The following POC1B variants were observed in gnomAD, a reference collection of about 807,000 sequenced individuals.
POC1B encodes the protein POC1 centriolar protein homolog B.
Under a neutral mutation model 60.6 loss-of-function variants are expected in POC1B, and 44 were observed. The ratio of observed to expected loss-of-function variants is 0.73; its 90% CI spans 0.57 to 0.93. The LOEUF (loss-of-function observed/expected upper bound fraction) is 0.93, where lower values mean the gene tolerates loss of function less well. Among genes scored for constraint, POC1B ranks in the 40% least tolerant of loss-of-function variants. The pLI is 0.00. For synonymous variants in POC1B, 180 were observed against 198.9 expected (o/e 0.90, Z 0.80); for missense variants, 555 against 572.3 (o/e 0.97, Z 0.31).
rs770482813 is a variant in POC1B at position 89,524,170 on chromosome 12, T to C, written c.100+950A>G. On this transcript the variant is annotated intron_variant, in intron 2 of 11. Transcript: ENST00000313546. ...AGGAAGTGTCCTATAGTTGAACTTC[T>C]GGGACTTACACTCATACATTCTTTT... 30 of 1,613,916 alleles carry C rather than the reference T, an allele frequency of 1.9e-5. No individual in the cohort carries two copies. In the South Asian group the frequency reaches 2.7e-4, roughly 15 times the overall value.
rs1485211003 is a variant in POC1B at position 89,476,759 on chromosome 12, T to TAGATAGATAGATAGATAGATAGATAGAC, written c.453-4485_453-4484insGTCTATCTATCTATCTATCTATCTATCT. Among the ~76,000 whole-genome samples the TAGATAGATAGATAGATAGATAGATAGAC allele has an allele frequency of 5.3e-4, 31 of 58,640 alleles. No individual in the cohort carries two copies. In the East Asian group the frequency reaches 5.5e-3, roughly 10 times the overall value. The allele number at this position is 58,640 out of a possible 152,430, so 38.5% of individuals were successfully genotyped here. On this transcript the variant is annotated intron_variant, in intron 4 of 11. Transcript: ENST00000313546. ...ATAGATAGATAGATAGATAGATAGA[T>TAGATAGATAGATAGATAGATAGATAGAC]AGACAGACAGACAGACAGACACTTT... is the stretch of plus-strand genomic sequence containing the variant.
At chr12:89,468,832 A>G (rs1473211049) in intron 7 of POC1B, among the ~76,000 whole-genome samples, 1 of 152,184 alleles carries the variant, frequency 6.6e-6, no homozygotes, top group African/African-American at 2.4e-5. Context: ...CTAGACCACA[A>G]GGCTCATTCT....
At chr12:89,502,237 T>A (rs1869609718) in intron 2 of POC1B, 3 of 1,294,986 alleles carry the variant, frequency 2.3e-6, no homozygotes, top group African/African-American at 1.5e-5. Context: ...TCCTGGAAGT[T>A]CAGATGACTC....
rs534075299 is a variant in POC1B at position 89,471,892 on chromosome 12, C to T, written c.561-163G>A. On this transcript the variant is annotated intron_variant, in intron 5 of 11. Transcript: ENST00000313546. Reference sequence around the variant, plus strand: ...AAGTGATTCTTCCACCTCAGCCTCCCGAGTAGCTGGAATTACAGGCACATA... The same window carrying T: ...AAGTGATTCTTCCACCTCAGCCTCCTGAGTAGCTGGAATTACAGGCACATA... Among the ~76,000 whole-genome samples the T allele has an allele frequency of 1.9e-3, 294 of 151,930 alleles. 2 individuals carry two copies. The highest frequency in any genetic ancestry group is 6.9e-3 in the African/African-American group (285 of 41,438).
rs114095983 is a variant in POC1B at position 89,434,266 on chromosome 12, T to C, written c.1114-8887A>G. On this transcript the variant is annotated intron_variant, in intron 10 of 11. Coordinates refer to ENST00000313546, the MANE Select transcript of POC1B (RefSeq NM_172240.3). The stretch of plus-strand genomic sequence containing the variant: ...TTTGCTTTTTCTTCTTGAGAGCAAA[T>C]TGGAAATTGCATTTTTATCAGAAGA... 8.4e-3 allele frequency among the ~76,000 whole-genome samples: 1,285 copies of C among 152,284 alleles called. 24 individuals are homozygous for C. The highest frequency in any genetic ancestry group is 0.029 in the African/African-American group (1,209 of 41,548).
Position 89,497,266 on chromosome 12 carries a change from G to A in POC1B, c.177C>T (p.His59=). Reference sequence around the variant, plus strand: ...ACTGCACGCTGGTTACAACATCCTTGTGACCCACATATCTGTAAGCTCTAG... The same window carrying A: ...ACTGCACGCTGGTTACAACATCCTTATGACCCACATATCTGTAAGCTCTAG... ...PHARAYRYVG[H]KDVVTSVQFS... is the part of the protein sequence containing the mutation. Residue 59 remains histidine, a synonymous_variant, in exon 3 of 12, where the codon CAC becomes CAT. Transcript: ENST00000313546. 1.9e-6 allele frequency: 3 copies of A among 1,613,506 alleles called. No individual in the cohort carries two copies. Among genetic ancestry groups the A allele is most frequent in the Non-Finnish European group, 2.5e-6 (3 of 1,179,988 alleles).
intron 4 of POC1B, among the ~76,000 whole-genome samples, chr12:89,475,537 A>G (rs573153174): frequency 2.6e-4 from 40 of 152,270 alleles, no homozygotes; most frequent in Non-Finnish European, 2.1e-4. Context: ...TTTTATTTTT[A>G]ATTAGATACA....
chr12:89,517,873 G>T (rs1870528508), intron 2 of POC1B, among the ~76,000 whole-genome samples: 1 of 152,124 alleles, frequency 6.6e-6, no homozygotes, highest in Non-Finnish European at 1.5e-5. Flanking sequence ...AAATAAGGGA[G>T]TAGTAAATAA....
At chr12:89,457,390 A>G (rs1446792942) in intron 10 of POC1B, among the ~76,000 whole-genome samples, 1 of 152,240 alleles carries the variant, frequency 6.6e-6, no homozygotes, top group Non-Finnish European at 1.5e-5. Context: ...AAAGAGATAC[A>G]CATTGAAAAT....
At chr12:89,493,109 T>TCA in intron 3 of POC1B, among the ~76,000 whole-genome samples, 1 of 152,264 alleles carries the variant, frequency 6.6e-6, no homozygotes, top group African/African-American at 2.4e-5. Context: ...CTCGGAACAG[T>TCA]CACAGCCCTT....
Position 89,467,781 on chromosome 12 carries a change from C to A in POC1B, c.811-96G>T, listed in dbSNP as rs1391709901. On this transcript the variant is annotated intron_variant, in intron 7 of 11. Coordinates refer to ENST00000313546, the MANE Select transcript of POC1B (RefSeq NM_172240.3). Reference sequence around the variant, plus strand: ...TATCAATTTCTCATCCTAATTTATGCATACTACTCATGCAATAAGTCTAAT... The same window carrying A: ...TATCAATTTCTCATCCTAATTTATGAATACTACTCATGCAATAAGTCTAAT... 15 of 848,644 alleles carry A rather than the reference C, an allele frequency of 1.8e-5. No individual in the cohort carries two copies. The East Asian group carries it at 4.0e-4, about 23-fold the overall frequency. 52.6% of individuals were successfully genotyped at this position (848,644 alleles called of 1,614,324 possible). A position where few individuals can be genotyped will look rare whatever the true frequency, so the allele number is the denominator to read the frequency against.
intron 10 of POC1B, among the ~76,000 whole-genome samples, chr12:89,441,642 G>C (rs944721744): frequency 1.3e-5 from 2 of 152,212 alleles, no homozygotes; most frequent in Non-Finnish European, 2.9e-5. Context: ...ACCAAAGGTA[G>C]ATAAAACCAC....
intron 2 of POC1B, chr12:89,520,109 A>G (rs1398882516): frequency 2.0e-5 from 3 of 152,122 alleles, no homozygotes; most frequent in Admixed American, 1.3e-4. Flanking sequence ...CTTTTCTGTT[A>G]TGTACTCTAT....
intron 10 of POC1B, among the ~76,000 whole-genome samples, chr12:89,439,868 G>C (rs1881436717): frequency 6.6e-6 from 1 of 152,210 alleles, no homozygotes; most frequent in Non-Finnish European, 1.5e-5. Flanking sequence ...GCCTCGCAAA[G>C]TGCTGGGATT....
chr12:89,401,815 T>C, the POC1B span, among the ~76,000 whole-genome samples: 1 of 152,274 alleles, frequency 6.6e-6, no homozygotes, highest in Non-Finnish European at 1.5e-5. Context: ...CAAGTATTTG[T>C]AAGCAACTTT....
intron 2 of POC1B, among the ~76,000 whole-genome samples, chr12:89,508,304 A>G (rs770578160): frequency 3.3e-5 from 5 of 152,098 alleles, no homozygotes; most frequent in Non-Finnish European, 5.9e-5. Flanking sequence ...GTAAATTTTT[A>G]TTTTGATAAT....
chr12:89,473,287 A>C (rs1221634190), intron 4 of POC1B, among the ~76,000 whole-genome samples: 1 of 152,236 alleles, frequency 6.6e-6, no homozygotes, highest in Non-Finnish European at 1.5e-5. Context: ...CTGACCTAAA[A>C]TTAATTCTTT....
chr12:89,455,329 C>T (rs1882210269), intron 10 of POC1B, among the ~76,000 whole-genome samples: 1 of 151,964 alleles, frequency 6.6e-6, no homozygotes, highest in African/African-American at 2.4e-5. Context: ...AGTGAGAGAC[C>T]TTGTCTCAAA....
the POC1B span, among the ~76,000 whole-genome samples, chr12:89,409,320 C>G: frequency 6.6e-6 from 1 of 152,108 alleles, no homozygotes; most frequent in Admixed American, 6.5e-5. Context: ...GGAAGGGGTC[C>G]AGTTTCAGTT....
Sources: allele counts gnomAD v4.1 joint callset (sites outside exome capture counted in the v4.1 genomes callset), GRCh38; gene constraint gnomAD v4.1.1; transcripts MANE v1.5; gene names NCBI Gene and HGNC (gene_info 2026-07-23, HGNC 2026-07-21).